C17orf114: variants seen among roughly 807,000 people sequenced by gnomAD.
C17orf114 encodes uncharacterized protein C17orf114.
upstream of C17orf114, among the ~76,000 whole-genome samples, chr17:4,806,182 A>G (rs1905780478): frequency 6.6e-6 from 1 of 152,214 alleles, no homozygotes; most frequent in Non-Finnish European, 1.5e-5. Flanking sequence ...ACAATATCCA[A>G]CGTTGGCCAT....
upstream of C17orf114, among the ~76,000 whole-genome samples, chr17:4,805,031 C>T (rs1020955502): frequency 2.6e-5 from 4 of 152,134 alleles, no homozygotes; most frequent in Non-Finnish European, 5.9e-5. Context: ...TCTTATCATC[C>T]TGGAATGTTC....
chr17:4,802,458 A>T (rs918454595), upstream of C17orf114: 3 of 395,674 alleles, frequency 7.6e-6, no homozygotes, highest in African/African-American at 6.2e-5. Flanking sequence ...CCAGGGATGG[A>T]AAGGGGAGAG....
At chr17:4,802,488 G>A (rs1040741821), upstream of C17orf114, among the ~76,000 whole-genome samples, 2 of 152,204 alleles carry the variant, frequency 1.3e-5, no homozygotes, top group African/African-American at 4.8e-5. Flanking sequence ...AGAAAGGGGT[G>A]GGGGTACACT....
chr17:4,804,484 G>A (rs1026431133), upstream of C17orf114, among the ~76,000 whole-genome samples: 5 of 151,946 alleles, frequency 3.3e-5, no homozygotes, highest in African/African-American at 4.8e-5. Flanking sequence ...GATTCCAAGC[G>A]TGAGCCACTG....
exon 1 of C17orf114, chr17:4,802,317 C>T: frequency 2.5e-6 from 1 of 399,246 alleles, no homozygotes; most frequent in Non-Finnish European, 4.4e-6. Flanking sequence ...CCTTCAGACC[C>T]ATCTCAACAG....
At chr17:4,804,232 T>C (rs1192281642), upstream of C17orf114, among the ~76,000 whole-genome samples, 2 of 146,256 alleles carry the variant, frequency 1.4e-5, no homozygotes, top group Non-Finnish European at 3.0e-5. Flanking sequence ...TGAGATGGAG[T>C]CTCGCTCTGT....
chr17:4,802,244 T>C lies in C17orf114; in HGVS notation c.73+3A>G. On this transcript the variant is annotated splice_donor_region_variant and intron_variant, in intron 1 of 1. Transcript: ENST00000635921. Reference sequence around the variant, plus strand: ...CCCGCTTTACCCTCAGTCTACTCCATACCTGCTCCTCTTTCAGTCCCCCGC... The same window carrying C: ...CCCGCTTTACCCTCAGTCTACTCCACACCTGCTCCTCTTTCAGTCCCCCGC... The C allele has an allele frequency of 2.5e-6, 1 of 399,722 alleles. No individual in the cohort carries two copies. Among genetic ancestry groups the C allele is most frequent in the Non-Finnish European group, 4.4e-6 (1 of 226,412 alleles). 24.8% of individuals were successfully genotyped at this position (399,722 alleles called of 1,614,324 possible).
At chr17:4,802,652 C>T (rs995855962), upstream of C17orf114, among the ~76,000 whole-genome samples, 5 of 152,114 alleles carry the variant, frequency 3.3e-5, no homozygotes, top group Non-Finnish European at 7.4e-5. Context: ...TATGGCAATG[C>T]CCGACAACTT....
intron 1 of C17orf114, among the ~76,000 whole-genome samples, 186 bp from the exon 2 acceptor site, chr17:4,801,641 C>T (rs1946663438): frequency 6.6e-6 from 1 of 152,126 alleles, no homozygotes; most frequent in East Asian, 1.9e-4. Context: ...CTGGCTCGCA[C>T]ACATGTGACC....
At chr17:4,805,286 A>G (rs2150663796), upstream of C17orf114, among the ~76,000 whole-genome samples, 1 of 151,046 alleles carries the variant, frequency 6.6e-6, no homozygotes, top group South Asian at 2.1e-4. Context: ...AAAATTAGCT[A>G]GGCGTGGTGG....
At chr17:4,803,468 A>T (rs1905566165), upstream of C17orf114, among the ~76,000 whole-genome samples, 1 of 118,180 alleles carries the variant, frequency 8.5e-6, no homozygotes, top group Non-Finnish European at 1.6e-5. Context: ...TCTGTCACTC[A>T]GGCTGGAATG....
chr17:4,803,856 G>C (rs892342506), upstream of C17orf114, among the ~76,000 whole-genome samples: 3 of 151,794 alleles, frequency 2.0e-5, no homozygotes, highest in Non-Finnish European at 4.4e-5. Context: ...CAAGTAGCTG[G>C]GATTACAGGC....
At chr17:4,806,076 T>G (rs948122899), upstream of C17orf114, among the ~76,000 whole-genome samples, 1 of 152,204 alleles carries the variant, frequency 6.6e-6, no homozygotes, top group African/African-American at 2.4e-5. Context: ...AATCAGCACA[T>G]GAAACATGGT....
upstream of C17orf114, among the ~76,000 whole-genome samples, chr17:4,804,775 C>CG (rs1258656882): frequency 6.7e-6 from 1 of 148,620 alleles, no homozygotes; most frequent in Non-Finnish European, 1.5e-5. Context: ...TTAGTAGAGA[C>CG]GGGGTTCACC....
rs73973635 is a variant in C17orf114, at chr17:4,802,284, G to A, written c.36C>T (p.Cys12=). Residue 12 remains cysteine, a synonymous_variant, in exon 1 of 2, where the codon TGC becomes TGT. Coordinates refer to ENST00000635921, the Ensembl canonical transcript of C17orf114. ...CAGTCCCCCGCTGCCTCCGGCACCCGCACCATGGGAAACACCATGCCCCCT... is the reference window on the plus strand; with the variant it reads ...CAGTCCCCCGCTGCCTCCGGCACCCACACCATGGGAAACACCATGCCCCCT... 1,332 of 399,610 alleles carry A rather than the reference G, an allele frequency of 3.3e-3. 12 individuals carry two copies. The highest frequency in any genetic ancestry group is 0.024 in the African/African-American group (1,151 of 48,690). The allele number at this position is 399,610 out of a possible 1,614,324, so 24.8% of individuals were successfully genotyped here.
chr17:4,804,951 G>A (rs866117048), upstream of C17orf114, among the ~76,000 whole-genome samples: 1 of 151,948 alleles, frequency 6.6e-6, no homozygotes, highest in African/African-American at 2.4e-5. Flanking sequence ...ACATCTTAAC[G>A]TACAGTTCCA....
At chr17:4,804,595 G>GTTTC, upstream of C17orf114, among the ~76,000 whole-genome samples, 1 of 145,968 alleles carries the variant, frequency 6.9e-6, no homozygotes, top group Non-Finnish European at 1.5e-5. Context: ...ACACAGAAAT[G>GTTTC]TTTCTTTCTT....
chr17:4,802,024 C>T (rs886483553), intron 1 of C17orf114, among the ~76,000 whole-genome samples: 6 of 152,252 alleles, frequency 3.9e-5, no homozygotes, highest in South Asian at 2.1e-4. Flanking sequence ...CCACCGTACC[C>T]GGCCGAAATT....
chr17:4,803,509 C>T (rs1905567297), upstream of C17orf114, among the ~76,000 whole-genome samples: 1 of 135,560 alleles, frequency 7.4e-6, no homozygotes, highest in African/African-American at 2.7e-5. Flanking sequence ...ACTGCAAACT[C>T]TGCCTCCCGG....
Sources: gnomAD v4.1 joint callset for allele counts (sites outside exome capture counted in the v4.1 genomes callset) on GRCh38, gnomAD v4.1.1 for gene constraint, MANE v1.5 for transcripts, NCBI Gene and HGNC (gene_info 2026-07-23, HGNC 2026-07-21) for gene names.